MDGA2: variants seen among roughly 807,000 people sequenced by gnomAD.
The protein encoded by MDGA2 is MAM domain containing glycosylphosphatidylinositol anchor 2.
MDGA2 carries 40 observed loss-of-function variants against 117.8 expected under a neutral mutation model. The observed-to-expected ratio is 0.34, with a 90% CI of 0.26 to 0.44. MDGA2 has a LOEUF of 0.44. MDGA2 is among the 20% of genes least tolerant of loss of function. The probability of loss-of-function intolerance (pLI) is 1.00; values close to 1 mark genes in which losing one functional copy is unlikely to be tolerated. For synonymous variants in MDGA2, 452 were observed against 439.0 expected (o/e 1.03, Z -0.37); for missense variants, 1,123 against 1,250.6 (o/e 0.90, Z 1.54).
chr14:47,360,395 T>TAAAAC (rs1374210181), intron 1 of MDGA2, among the ~76,000 whole-genome samples: 1 of 121,726 alleles, frequency 8.2e-6, no homozygotes, highest in Non-Finnish European at 1.9e-5. Context: ...ATAAATAAAA[T>TAAAAC]AAAATAAAAA....
intron 1 of MDGA2, among the ~76,000 whole-genome samples, chr14:47,411,924 A>C (rs919371564): frequency 4.6e-5 from 7 of 152,194 alleles, no homozygotes; most frequent in Admixed American, 2.0e-4. Flanking sequence ...TTAACAATTC[A>C]CAAAGACATT....
chr14:47,151,221 G>C (rs1009303152), intron 3 of MDGA2, among the ~76,000 whole-genome samples: 4 of 152,212 alleles, frequency 2.6e-5, no homozygotes, highest in African/African-American at 9.7e-5. Context: ...AAATAGGTCA[G>C]ATGGAGCTGT....
At chr14:47,438,608 A>G (rs1188757771) in intron 1 of MDGA2, among the ~76,000 whole-genome samples, 1 of 152,172 alleles carries the variant, frequency 6.6e-6, no homozygotes, top group East Asian at 1.9e-4. Flanking sequence ...GACAGGAGCC[A>G]GAAATATGCT....
Position 47,144,145 on chromosome 14 carries a change from C to T in MDGA2, c.725G>A (p.Arg242His), listed in dbSNP as rs1882839196. 4 of 1,551,206 alleles carry T rather than the reference C, an allele frequency of 2.6e-6. No individual in the cohort carries two copies. Among genetic ancestry groups the T allele is most frequent in the South Asian group, 1.2e-5 (1 of 84,000 alleles). Residue 242 changes from arginine (R) to histidine (H), a missense_variant, in exon 4 of 17, where the codon CGT becomes CAT. Arg to His is a conservative substitution (Grantham distance 29). Around this residue, in one of 2 missense-constraint regions of MDGA2, gnomAD observed 890 missense variants for 1,050.3 expected, o/e 0.85. Transcript: ENST00000399232. ...SNPPVRYSWR[R>H]GQEVLLQGSD... The stretch of plus-strand genomic sequence containing the variant: ...TCCTTGCAGCAAGACCTCCTGGCCA[C>T]GTCTCCAGCTATACCGAACAGGAGG...
chr14:47,171,998 C>T (rs968659541), intron 3 of MDGA2, among the ~76,000 whole-genome samples: 11 of 152,206 alleles, frequency 7.2e-5, no homozygotes, highest in African/African-American at 2.4e-4. Context: ...GATTATATCC[C>T]GCACATGGCT....
At chr14:47,356,306 T>C (rs78963052) in intron 1 of MDGA2, among the ~76,000 whole-genome samples, 6 of 152,174 alleles carry the variant, frequency 3.9e-5, no homozygotes, top group South Asian at 4.1e-4. Flanking sequence ...GGAACCCCTA[T>C]GCTTATCGCC....
chr14:47,279,276 A>AT (rs1048551007), intron 2 of MDGA2, among the ~76,000 whole-genome samples: 15 of 152,110 alleles, frequency 9.9e-5, no homozygotes, highest in African/African-American at 3.6e-4. Context: ...ACAATGTAAC[A>AT]TTTTTAAGTC....
At chr14:46,849,861 G>A (rs907086405) in intron 15 of MDGA2, among the ~76,000 whole-genome samples, 3 of 151,322 alleles carry the variant, frequency 2.0e-5, no homozygotes, top group African/African-American at 4.9e-5. Context: ...TTCCTCTTCA[G>A]TACTTCTGAA....
intron 3 of MDGA2, among the ~76,000 whole-genome samples, chr14:47,153,023 T>C (rs991862046): frequency 6.6e-6 from 1 of 152,180 alleles, no homozygotes; most frequent in African/African-American, 2.4e-5. Flanking sequence ...CCAGCAAAGC[T>C]AGAAAAGACT....
At chr14:46,935,036 A>C (rs1411894262) in intron 9 of MDGA2, among the ~76,000 whole-genome samples, 3 of 152,138 alleles carry the variant, frequency 2.0e-5, no homozygotes, top group Non-Finnish European at 4.4e-5. Flanking sequence ...AGAATTTAAA[A>C]AAAAAAAGAG....
chr14:47,094,074 T>C (rs1879823060), intron 6 of MDGA2, among the ~76,000 whole-genome samples: 1 of 152,022 alleles, frequency 6.6e-6, no homozygotes, highest in Non-Finnish European at 1.5e-5. Flanking sequence ...TTGACTTCTG[T>C]AGACCAGAAA....
intron 8 of MDGA2, among the ~76,000 whole-genome samples, chr14:46,965,057 G>A (rs1330463074): frequency 1.4e-5 from 2 of 138,996 alleles, no homozygotes; most frequent in East Asian, 4.1e-4. Context: ...CCGAGCAGCT[G>A]GGACTACAGG....
intron 9 of MDGA2, among the ~76,000 whole-genome samples, chr14:46,955,653 G>C (rs1371510235): frequency 6.6e-6 from 1 of 151,948 alleles, no homozygotes; most frequent in East Asian, 1.9e-4. Flanking sequence ...AGAAAGAAAA[G>C]AGGAATAATC....
chr14:47,156,332 G>T (rs1002916310), intron 3 of MDGA2, among the ~76,000 whole-genome samples: 1 of 152,004 alleles, frequency 6.6e-6, no homozygotes, highest in South Asian at 2.1e-4. Flanking sequence ...CAAGGCATAC[G>T]CTTTCTTAAC....
At chr14:47,292,567 A>G (rs1888927560) in intron 2 of MDGA2, among the ~76,000 whole-genome samples, 1 of 152,106 alleles carries the variant, frequency 6.6e-6, no homozygotes, top group Non-Finnish European at 1.5e-5. Context: ...TTGCTAGTTC[A>G]CTTTTTCCAG....
intron 10 of MDGA2, among the ~76,000 whole-genome samples, chr14:46,885,530 A>G (rs1395504010): frequency 2.0e-5 from 3 of 152,184 alleles, no homozygotes; most frequent in African/African-American, 7.2e-5. Flanking sequence ...ATTTTCCACC[A>G]TCAAGTAGGC....
intron 8 of MDGA2, among the ~76,000 whole-genome samples, chr14:47,013,772 G>GTGTATATATATATATATATATA (rs1555343310): frequency 4.3e-5 from 4 of 93,686 alleles, no homozygotes; most frequent in Non-Finnish European, 6.6e-5. Context: ...TAATTTCCTT[G>GTGTATATATATATATATATATA]TATATATATA....
intron 2 of MDGA2, among the ~76,000 whole-genome samples, chr14:47,252,528 A>G (rs907016921): frequency 6.6e-6 from 1 of 152,168 alleles, no homozygotes; most frequent in African/African-American, 2.4e-5. Flanking sequence ...AAACTATGCA[A>G]GAAACATGCA....
chr14:47,129,774 G>A (rs1443510512), intron 5 of MDGA2, among the ~76,000 whole-genome samples: 1 of 144,266 alleles, frequency 6.9e-6, no homozygotes, highest in Non-Finnish European at 1.5e-5. Flanking sequence ...ACTTTTTAAT[G>A]ATTGCCATTC....
Sources: allele counts gnomAD v4.1 joint callset (sites outside exome capture counted in the v4.1 genomes callset), GRCh38; gene constraint gnomAD v4.1.1; regional missense constraint gnomAD v4.1.1; transcripts MANE v1.5; gene names NCBI Gene and HGNC (gene_info 2026-07-23, HGNC 2026-07-21).